TNIP3: variants seen among roughly 807,000 people sequenced by gnomAD.
TNIP3 encodes the protein TNFAIP3-interacting protein 3.
Under a neutral mutation model 54.1 loss-of-function variants are expected in TNIP3, and 34 were observed. The observed-to-expected ratio is 0.63, with a 90% CI of 0.48 to 0.84. The LOEUF (loss-of-function observed/expected upper bound fraction) is 0.84. TNIP3 is among the 40% of genes least tolerant of loss of function. The pLI is 0.00. For missense variants in TNIP3, 366 were observed against 387.6 expected (o/e 0.94, Z 0.47); for synonymous variants, 134 against 136.8 (o/e 0.98, Z 0.14).
chr4:121,222,462 T>A (rs185590669), intron 1 of TNIP3, among the ~76,000 whole-genome samples: 1 of 152,290 alleles, frequency 6.6e-6, no homozygotes, highest in Admixed American at 6.5e-5. Flanking sequence ...GGGCATATTA[T>A]TTAAATACTC....
At chr4:121,170,938 C>T (rs1484467468) in intron 3 of TNIP3, among the ~76,000 whole-genome samples, 1 of 152,120 alleles carries the variant, frequency 6.6e-6, no homozygotes, top group African/African-American at 2.4e-5. Flanking sequence ...GCCTTCGCCT[C>T]CCGAGTAGCT....
At chr4:121,221,545 A>G (rs1247754506), upstream of TNIP3, among the ~76,000 whole-genome samples, 3 of 152,244 alleles carry the variant, frequency 2.0e-5, no homozygotes, top group African/African-American at 7.2e-5. Context: ...ACACATTTTA[A>G]TTCATTTATT....
upstream of TNIP3, among the ~76,000 whole-genome samples, chr4:121,168,874 C>A (rs1423927320): frequency 6.6e-6 from 1 of 152,184 alleles, no homozygotes; most frequent in Non-Finnish European, 1.5e-5. Context: ...GCGTGTCCAG[C>A]AGTGACTGAT....
chr4:121,219,900 T>C (rs1726959897), upstream of TNIP3, among the ~76,000 whole-genome samples: 1 of 152,180 alleles, frequency 6.6e-6, no homozygotes, highest in South Asian at 2.1e-4. Context: ...CAACACATAA[T>C]ACCTTCCTGG....
rs1222456354 is a variant in TNIP3 at position 121,164,177 on chromosome 4, A to G, written c.-52T>C. 2.5e-6 allele frequency: 4 copies of G among 1,612,782 alleles called. No individual in the cohort carries two copies. Among genetic ancestry groups the G allele is most frequent in the Non-Finnish European group, 3.4e-6 (4 of 1,179,428 alleles). On this transcript the variant is annotated 5_prime_UTR_variant, in exon 1 of 11. Coordinates refer to ENST00000057513, the MANE Select transcript of TNIP3 (RefSeq NM_024873.6). ...AAAGCAGAAAGAAAAACAGGGGAAA[A>G]GTCTCTTAAGGTATATTTTAGGGTG...
intron 7 of TNIP3, among the ~76,000 whole-genome samples, chr4:121,146,452 A>G (rs1729435376): frequency 6.6e-6 from 1 of 152,172 alleles, no homozygotes; most frequent in African/African-American, 2.4e-5. Context: ...CATTAACATC[A>G]CTATTTACCC....
chr4:121,210,998 A>G (rs1055228853), intron 2 of TNIP3, among the ~76,000 whole-genome samples: 24 of 152,216 alleles, frequency 1.6e-4, no homozygotes, highest in African/African-American at 5.5e-4. Flanking sequence ...GCATTTTAGT[A>G]TGCTGGTATT....
chr4:121,163,689 T>C (rs560750118), intron 1 of TNIP3, among the ~76,000 whole-genome samples: 1 of 152,330 alleles, frequency 6.6e-6, no homozygotes, highest in South Asian at 2.1e-4. Flanking sequence ...CTGAACAAAA[T>C]CTATGGTACC....
intron 10 of TNIP3, chr4:121,138,131 C>T (rs148447317): frequency 1.2e-4 from 46 of 370,394 alleles, no homozygotes; most frequent in East Asian, 5.1e-4. Context: ...TTGAGGTGGG[C>T]GTTGTGGGCA....
At chr4:121,207,404 A>G (rs1317646713) in intron 2 of TNIP3, among the ~76,000 whole-genome samples, 1 of 152,224 alleles carries the variant, frequency 6.6e-6, no homozygotes, top group East Asian at 1.9e-4. Flanking sequence ...AAAGTTTCAT[A>G]GAAACCAGGA....
At chr4:121,218,670 T>C (rs1030079289), upstream of TNIP3, among the ~76,000 whole-genome samples, 2 of 151,464 alleles carry the variant, frequency 1.3e-5, no homozygotes, top group African/African-American at 4.8e-5. Context: ...GATGTCTCAC[T>C]ATATTACCCA....
intron 3 of TNIP3, 53 bp downstream of exon 3, chr4:121,158,634 C>T: frequency 7.1e-7 from 1 of 1,399,324 alleles, no homozygotes; most frequent in Non-Finnish European, 1.0e-6. Flanking sequence ...ACACAATTGG[C>T]CCCACCAGGA....
At chr4:121,212,397 G>T (rs1273192378) in intron 2 of TNIP3, among the ~76,000 whole-genome samples, 1 of 152,136 alleles carries the variant, frequency 6.6e-6, no homozygotes, top group African/African-American at 2.4e-5. Context: ...AAATAAATAA[G>T]ATTGAGAGAC....
chr4:121,171,863 T>G (rs1041808554), intron 3 of TNIP3, among the ~76,000 whole-genome samples: 1 of 152,160 alleles, frequency 6.6e-6, no homozygotes, highest in African/African-American at 2.4e-5. Flanking sequence ...CCCAAGTAGT[T>G]GGGACTACAG....
chr4:121,166,001 T>C (rs1326081263), upstream of TNIP3, among the ~76,000 whole-genome samples: 2 of 152,200 alleles, frequency 1.3e-5, no homozygotes, highest in African/African-American at 2.4e-5. Context: ...AGTGTAAGGT[T>C]CTCTTCAGCT....
At chr4:121,169,519 G>A (rs1730954317) in intron 3 of TNIP3, among the ~76,000 whole-genome samples, 2 of 151,948 alleles carry the variant, frequency 1.3e-5, no homozygotes, top group African/African-American at 4.8e-5. Flanking sequence ...CTCCATGATA[G>A]CAACTTTTGT....
intron 2 of TNIP3, among the ~76,000 whole-genome samples, chr4:121,204,780 G>A (rs927253417): frequency 6.6e-6 from 1 of 152,090 alleles, no homozygotes; most frequent in Non-Finnish European, 1.5e-5. Context: ...AGTGCTTCTT[G>A]GTTATTTTCT....
intron 4 of TNIP3, among the ~76,000 whole-genome samples, chr4:121,155,138 A>AT (rs1366448100): frequency 1.3e-5 from 2 of 151,606 alleles, no homozygotes; most frequent in Non-Finnish European, 2.9e-5. Context: ...AATTTTTTAT[A>AT]TTTTTTAGTA....
intron 2 of TNIP3, among the ~76,000 whole-genome samples, chr4:121,190,647 G>A (rs1725258653): frequency 6.6e-6 from 1 of 152,158 alleles, no homozygotes; most frequent in South Asian, 2.1e-4. Flanking sequence ...CAGTGAGCAG[G>A]GATCTGGAGG....
Sources: allele counts gnomAD v4.1 joint callset (sites outside exome capture counted in the v4.1 genomes callset), GRCh38; gene constraint gnomAD v4.1.1; transcripts MANE v1.5; gene names NCBI Gene and HGNC (gene_info 2026-07-23, HGNC 2026-07-21).